ULK4: variants seen among roughly 807,000 people sequenced by gnomAD.
ULK4 encodes unc-51 like kinase 4, also known as inactive serine/threonine-protein kinase ULK4.
ULK4 carries 133 observed loss-of-function variants against 160.6 expected under a neutral mutation model. The observed-to-expected ratio is 0.83, with a 90% confidence interval of 0.72 to 0.96. The LOEUF (loss-of-function observed/expected upper bound fraction) is 0.96. Among genes scored for constraint, ULK4 ranks in the 40% least tolerant of loss-of-function variants. The probability of loss-of-function intolerance (pLI) is 0.00; values close to 1 mark genes in which losing one functional copy is unlikely to be tolerated. For missense variants in ULK4, 1,580 were observed against 1,499.5 expected, an observed-to-expected ratio of 1.05 and a Z score of -0.89; for synonymous variants, 534 against 539.8, an observed-to-expected ratio of 0.99 and a Z score of 0.15.
intron 35 of ULK4, among the ~76,000 whole-genome samples, chr3:41,351,816 T>C (rs888439184): frequency 2.0e-5 from 3 of 152,188 alleles, no homozygotes; most frequent in Non-Finnish European, 4.4e-5. Flanking sequence ...GGGACTTCTA[T>C]GGTCATCCCA....
intron 34 of ULK4, among the ~76,000 whole-genome samples, chr3:41,419,246 G>A (rs1004568353): frequency 3.3e-5 from 5 of 152,106 alleles, no homozygotes; most frequent in Non-Finnish European, 5.9e-5. Flanking sequence ...CAGTGTGCTC[G>A]GTGTTTCTGA....
At chr3:41,277,583 A>G (rs886310418) in intron 35 of ULK4, among the ~76,000 whole-genome samples, 1 of 136,738 alleles carries the variant, frequency 7.3e-6, no homozygotes, top group African/African-American at 3.4e-5. Flanking sequence ...AAAGCGGCAT[A>G]AAAGGGACAT....
At chr3:41,821,037 A>G (rs923152200) in intron 18 of ULK4, among the ~76,000 whole-genome samples, 2 of 152,096 alleles carry the variant, frequency 1.3e-5, no homozygotes, top group Non-Finnish European at 2.9e-5. Context: ...AACCCTTAAC[A>G]TCAGTGGACT....
chr3:41,454,778 T>A (rs1487685178), intron 34 of ULK4, among the ~76,000 whole-genome samples: 5 of 151,948 alleles, frequency 3.3e-5, no homozygotes, highest in Non-Finnish European at 5.9e-5. Context: ...CTGCAACCTC[T>A]GCCTCCTGGG....
intron 17 of ULK4, among the ~76,000 whole-genome samples, chr3:41,849,702 T>C (rs1575823306): frequency 6.6e-6 from 1 of 152,310 alleles, no homozygotes; most frequent in East Asian, 1.9e-4. Context: ...TGAACCACTT[T>C]GGTGCAGGAT....
intron 22 of ULK4, among the ~76,000 whole-genome samples, chr3:41,734,010 T>G (rs982831041): frequency 6.6e-6 from 1 of 152,110 alleles, no homozygotes; most frequent in African/African-American, 2.4e-5. Context: ...GTGCTTAGGA[T>G]TACAGGCATG....
intron 8 of ULK4, 92 bp from the exon 9 acceptor site, chr3:41,912,991 A>G: frequency 9.4e-7 from 1 of 1,064,256 alleles, no homozygotes; most frequent in East Asian, 2.5e-5. Flanking sequence ...AGCAGATTTT[A>G]CAAGGTACAC....
chr3:41,734,858 G>C (rs6789260), intron 22 of ULK4, among the ~76,000 whole-genome samples: 27,400 of 152,084 alleles, frequency 0.18, 2,551 homozygotes, highest in Middle Eastern at 0.32. Flanking sequence ...CAGATTAAAT[G>C]GATTGACAGA....
chr3:41,940,184 C>G (rs183370300), intron 2 of ULK4, among the ~76,000 whole-genome samples: 2 of 152,116 alleles, frequency 1.3e-5, no homozygotes, highest in Non-Finnish European at 2.9e-5. Context: ...CATCCAGACA[C>G]GAAGCGCCAG....
chr3:41,327,418 C>T lies in ULK4; in HGVS notation c.3678+70661G>A, dbSNP rs555867064. Reference sequence around the variant, plus strand: ...TTTTTTCCTATAGAGTCTCTACTACCTCTTATGTCCTCTTGCCCGTATTCT... The same window carrying T: ...TTTTTTCCTATAGAGTCTCTACTACTTCTTATGTCCTCTTGCCCGTATTCT... On this transcript the variant is annotated intron_variant, in intron 35 of 36. Coordinates refer to ENST00000301831, the MANE Select transcript of ULK4 (RefSeq NM_017886.4). 4.6e-5 allele frequency among the ~76,000 whole-genome samples: 7 copies of T among 152,250 alleles called. No homozygotes were observed. The South Asian group carries it at 1.2e-3, about 27-fold the overall frequency.
intron 20 of ULK4, among the ~76,000 whole-genome samples, chr3:41,793,223 A>C (rs1218658651): frequency 6.6e-6 from 1 of 152,176 alleles, no homozygotes; most frequent in African/African-American, 2.4e-5. Context: ...ATATTTTAAA[A>C]CTGGAAAAAA....
At chr3:41,678,737 G>T (rs2035820720) in intron 29 of ULK4, among the ~76,000 whole-genome samples, 1 of 152,208 alleles carries the variant, frequency 6.6e-6, no homozygotes, top group Non-Finnish European at 1.5e-5. Context: ...TGCATGAAAA[G>T]GCTGTCACCT....
chr3:41,258,267 T>C (rs2078872831), intron 35 of ULK4: 2 of 152,222 alleles, frequency 1.3e-5, no homozygotes, highest in African/African-American at 2.4e-5. Context: ...TCTTTTGAGC[T>C]ACTTAGGCAG....
chr3:41,440,557 T>A (rs1024501831), intron 34 of ULK4, among the ~76,000 whole-genome samples: 1 of 152,186 alleles, frequency 6.6e-6, no homozygotes, highest in Non-Finnish European at 1.5e-5. Flanking sequence ...TAGATTCAAT[T>A]TGCTAAAATT....
At chr3:41,483,743 A>G (rs1476356376) in intron 32 of ULK4, among the ~76,000 whole-genome samples, 1 of 152,216 alleles carries the variant, frequency 6.6e-6, no homozygotes, top group African/African-American at 2.4e-5. Flanking sequence ...AAATGTGATT[A>G]AGCTAAGAAT....
intron 30 of ULK4, among the ~76,000 whole-genome samples, chr3:41,661,793 A>C (rs994937784): frequency 1.3e-5 from 2 of 152,214 alleles, no homozygotes; most frequent in East Asian, 1.9e-4. Flanking sequence ...TTCTGCTTGT[A>C]AACTTTTTTA....
chr3:41,306,138 G>GC (rs1471468149), intron 35 of ULK4, among the ~76,000 whole-genome samples: 3 of 105,944 alleles, frequency 2.8e-5, no homozygotes, highest in African/African-American at 1.4e-4. Context: ...TGGGGGGGGG[G>GC]GGTCAGCCCC....
At chr3:41,847,405 TA>T (rs2042095786) in intron 17 of ULK4, among the ~76,000 whole-genome samples, 1 of 152,218 alleles carries the variant, frequency 6.6e-6, no homozygotes, top group Admixed American at 6.5e-5. Context: ...GAAACTGAAT[TA>T]ATCTCCTGAC....
chr3:41,643,781 G>A (rs556741776), intron 30 of ULK4, among the ~76,000 whole-genome samples: 1 of 152,130 alleles, frequency 6.6e-6, no homozygotes, highest in East Asian at 1.9e-4. Context: ...ATTACCTTGG[G>A]CAGTATGGCC....
Sources: gnomAD v4.1 joint callset for allele counts (sites outside exome capture counted in the v4.1 genomes callset) on GRCh38, gnomAD v4.1.1 for gene constraint, MANE v1.5 for transcripts, NCBI Gene and HGNC (gene_info 2026-07-23, HGNC 2026-07-21) for gene names.